ZNF804A: variants seen among roughly 807,000 people sequenced by gnomAD.
The protein encoded by ZNF804A is zinc finger protein 804A.
A neutral mutation model predicts 16.5 loss-of-function variants in ZNF804A; 2 were observed. The observed-to-expected ratio is 0.12, with a 90% CI of 0.05 to 0.38. The LOEUF is 0.38. Ranked by LOEUF, ZNF804A falls within the 10% of genes least tolerant of loss-of-function variation. The probability of loss-of-function intolerance (pLI) is 0.99; values close to 1 mark genes in which losing one functional copy is unlikely to be tolerated. For synonymous variants in ZNF804A, 534 were observed against 489.6 expected, an observed-to-expected ratio of 1.09 and a Z score of -1.20; for missense variants, 1,473 against 1,390.7, an observed-to-expected ratio of 1.06 and a Z score of -0.94.
chr2:184,720,156 A>AGACTCATT (rs1359183977), intron 1 of ZNF804A, among the ~76,000 whole-genome samples: 1 of 152,104 alleles, frequency 6.6e-6, no homozygotes, highest in African/African-American at 2.4e-5. Context: ...AGATCTCATG[A>AGACTCATT]GACTCATTGA....
chr2:184,853,625 A>T (rs777631703), intron 1 of ZNF804A, among the ~76,000 whole-genome samples: 2 of 151,516 alleles, frequency 1.3e-5, no homozygotes, highest in Non-Finnish European at 3.0e-5. Context: ...GTTTAGTTAA[A>T]TTTTTTTCTG....
intron 1 of ZNF804A, among the ~76,000 whole-genome samples, chr2:184,808,202 A>C (rs182661005): frequency 8.6e-5 from 13 of 151,748 alleles, no homozygotes; most frequent in Non-Finnish European, 1.3e-4. Flanking sequence ...AGCATGTATC[A>C]TACACAATGT....
chr2:184,883,204 A>C (rs1684836414), intron 2 of ZNF804A, among the ~76,000 whole-genome samples: 2 of 152,138 alleles, frequency 1.3e-5, no homozygotes, highest in Admixed American at 6.6e-5. Flanking sequence ...AAACACATAC[A>C]ACCATCCAAG....
chr2:184,804,476 G>A (rs1223529420), intron 1 of ZNF804A, among the ~76,000 whole-genome samples: 1 of 152,182 alleles, frequency 6.6e-6, no homozygotes, highest in Non-Finnish European at 1.5e-5. Context: ...AAACATTTTA[G>A]AAATGCAGAA....
chr2:184,729,392 C>T (rs192363371), intron 1 of ZNF804A, among the ~76,000 whole-genome samples: 14 of 151,812 alleles, frequency 9.2e-5, no homozygotes, highest in Admixed American at 4.6e-4. Flanking sequence ...CTCATGATCT[C>T]CCATAAAAAC....
chr2:184,604,656 C>T (rs1299708822), intron 1 of ZNF804A, among the ~76,000 whole-genome samples: 3 of 152,146 alleles, frequency 2.0e-5, no homozygotes, highest in Admixed American at 1.3e-4. Context: ...CCACTGTCTA[C>T]GCTACATTCT....
intron 1 of ZNF804A, among the ~76,000 whole-genome samples, chr2:184,799,833 T>C (rs1694697602): frequency 6.6e-6 from 1 of 152,150 alleles, no homozygotes; most frequent in East Asian, 1.9e-4. Flanking sequence ...CGTGAGCCAC[T>C]GCAGTTAGCC....
chr2:184,643,872 A>G (rs1169841523), intron 1 of ZNF804A, among the ~76,000 whole-genome samples: 2 of 151,696 alleles, frequency 1.3e-5, no homozygotes, highest in African/African-American at 2.4e-5. Flanking sequence ...ACCTGACAAT[A>G]TGGGTTCCAG....
intron 1 of ZNF804A, among the ~76,000 whole-genome samples, chr2:184,668,545 G>A (rs1197646999): frequency 2.0e-5 from 3 of 151,848 alleles, no homozygotes; most frequent in Admixed American, 1.3e-4. Flanking sequence ...ATAAAACATG[G>A]TAGGAAATTT....
chr2:184,628,946 A>G (rs899072674), intron 1 of ZNF804A, among the ~76,000 whole-genome samples: 19 of 152,316 alleles, frequency 1.2e-4, no homozygotes, highest in African/African-American at 4.6e-4. Flanking sequence ...TAATTAGTGC[A>G]TGAAAATTGG....
At chr2:184,735,833 G>T (rs1316848162) in intron 1 of ZNF804A, among the ~76,000 whole-genome samples, 1 of 152,144 alleles carries the variant, frequency 6.6e-6, no homozygotes, top group Non-Finnish European at 1.5e-5. Context: ...TTTACTAGGG[G>T]CAGAACTAAG....
At chr2:184,653,352 G>C (rs563460411) in intron 1 of ZNF804A, among the ~76,000 whole-genome samples, 2 of 152,216 alleles carry the variant, frequency 1.3e-5, no homozygotes, top group East Asian at 3.9e-4. Context: ...AGACTGTTAG[G>C]GGTGGTGAAT....
chr2:184,811,155 G>A (rs1045899999), intron 1 of ZNF804A, among the ~76,000 whole-genome samples: 3 of 152,078 alleles, frequency 2.0e-5, no homozygotes, highest in African/African-American at 4.8e-5. Context: ...TATGGAGGTG[G>A]CAAATTACGC....
chr2:184,637,544 A>G (rs1691721190), intron 1 of ZNF804A, among the ~76,000 whole-genome samples: 1 of 152,158 alleles, frequency 6.6e-6, no homozygotes, highest in African/African-American at 2.4e-5. Context: ...GAAATTAGTT[A>G]TGGCCAGGTT....
Position 184,939,094 on chromosome 2 carries a change from T to C in ZNF804A, c.*68T>C. ...GCTATATGCGTTAAGTGTTCATCTA[T>C]GTGGGTACATGGCTATTTAACTGGT... On this transcript the variant is annotated 3_prime_UTR_variant, in exon 4 of 4. Transcript: ENST00000302277. 3.2e-6 allele frequency: 5 copies of C among 1,548,312 alleles called. No individual in the cohort carries two copies. Among genetic ancestry groups the C allele is most frequent in the Non-Finnish European group, 4.4e-6 (5 of 1,143,094 alleles).
chr2:184,863,972 G>T (rs1477338241), intron 1 of ZNF804A, among the ~76,000 whole-genome samples: 1 of 152,004 alleles, frequency 6.6e-6, no homozygotes, highest in Non-Finnish European at 1.5e-5. Context: ...GCTGAGAAAT[G>T]GTGCATTACT....
intron 2 of ZNF804A, among the ~76,000 whole-genome samples, chr2:184,917,314 A>G (rs996413865): frequency 5.9e-5 from 9 of 152,194 alleles, no homozygotes; most frequent in African/African-American, 1.9e-4. Flanking sequence ...TCCCCAGAAG[A>G]TAATTTAAAG....
At chr2:184,656,548 T>C (rs886395304) in intron 1 of ZNF804A, among the ~76,000 whole-genome samples, 2 of 152,084 alleles carry the variant, frequency 1.3e-5, no homozygotes, top group Non-Finnish European at 2.9e-5. Context: ...ATCAACTACA[T>C]TTATAGTTAA....
intron 1 of ZNF804A, among the ~76,000 whole-genome samples, chr2:184,632,431 G>A (rs775205812): frequency 1.3e-5 from 2 of 152,102 alleles, no homozygotes; most frequent in Admixed American, 6.6e-5. Flanking sequence ...TTGAGATGGA[G>A]TCTCACTCTG....
Sources: gnomAD v4.1 joint callset for allele counts (sites outside exome capture counted in the v4.1 genomes callset) on GRCh38, gnomAD v4.1.1 for gene constraint, MANE v1.5 for transcripts, NCBI Gene and HGNC (gene_info 2026-07-23, HGNC 2026-07-21) for gene names.